SEC61A2: variants seen among roughly 807,000 people sequenced by gnomAD.
SEC61A2 encodes the protein protein transport protein Sec61 subunit alpha isoform 2.
A neutral mutation model predicts 59.9 loss-of-function variants in SEC61A2; 28 were observed. The observed-to-expected ratio is 0.47, with a 90% CI of 0.35 to 0.64. The LOEUF is 0.64. Among genes scored for constraint, SEC61A2 ranks in the 30% least tolerant of loss-of-function variants. The probability of loss-of-function intolerance (pLI) is 0.01; values close to 1 mark genes in which losing one functional copy is unlikely to be tolerated. For synonymous variants in SEC61A2, 202 were observed against 214.4 expected (o/e 0.94, Z 0.50); for missense variants, 340 against 585.9 (o/e 0.58, Z 4.33).
chr10:12,160,172 A>C lies in SEC61A2; in HGVS notation c.976-758A>C, dbSNP rs1305161921. On this transcript the variant is annotated intron_variant, in intron 9 of 11. Transcript: ENST00000298428. The surrounding 1 kb of genome is among the most constrained non-coding windows in gnomAD (Gnocchi z 4.1). ...GTGCTTTGAGTAGTTGGTCCTGTACAATTTGTGTTATGATTTTGAGTAAGA... is the reference window on the plus strand; with the variant it reads ...GTGCTTTGAGTAGTTGGTCCTGTACCATTTGTGTTATGATTTTGAGTAAGA... Among the ~76,000 whole-genome samples the C allele has an allele frequency of 6.6e-6, 1 of 152,164 alleles. No individual in the cohort carries two copies. The highest frequency in any genetic ancestry group is 1.5e-5 in the Non-Finnish European group (1 of 68,026).
In SEC61A2 at chr10:12,162,190, G is replaced by A; in HGVS notation, c.1168-23G>A. ...CAGTGAAATGTTCCAGTTGGATTTT[G>A]AAAGTCGTTTTTCTCTCGGCAGGTA... On this transcript the variant is annotated intron_variant, in intron 10 of 11. Transcript: ENST00000298428. This position sits in a 1 kb window ranked among gnomAD's most constrained non-coding sequence, Gnocchi z 6.1. 3 of 1,609,198 alleles carry A rather than the reference G, an allele frequency of 1.9e-6. No homozygotes were observed. Among genetic ancestry groups the A allele is most frequent in the Non-Finnish European group, 2.6e-6 (3 of 1,176,030 alleles).
At chr10:12,140,910 TGTTTTTTGA>T (rs1834003857) in intron 3 of SEC61A2, among the ~76,000 whole-genome samples, 1 of 151,130 alleles carries the variant, frequency 6.6e-6, no homozygotes, top group African/African-American at 2.4e-5. Flanking sequence ...GTTTTTGTTT[TGTTTTTTGA>T]GATGGAGTCT....
intron 1 of SEC61A2, among the ~76,000 whole-genome samples, chr10:12,131,117 GA>G (rs1833724225): frequency 6.6e-6 from 1 of 152,234 alleles, no homozygotes; most frequent in Non-Finnish European, 1.5e-5. Flanking sequence ...AGGTTGCAGT[GA>G]ATGGAGATCA....
chr10:12,165,109 C>T lies in SEC61A2; in HGVS notation c.*655C>T. 1 of 986,066 alleles carries T rather than the reference C, an allele frequency of 1.0e-6. No individual in the cohort carries two copies. Among genetic ancestry groups the T allele is most frequent in the Non-Finnish European group, 1.2e-6 (1 of 830,158 alleles). The allele number at this position is 986,066 out of a possible 1,614,324, so 61.1% of individuals were successfully genotyped here. On this transcript the variant is annotated 3_prime_UTR_variant, in exon 12 of 12. Transcript: ENST00000298428. ...CCTCCTCCTCTCTTCCCAGTGACAG[C>T]ATCATCGTGCTGTTTGCCTGTATTG...
intron 3 of SEC61A2, among the ~76,000 whole-genome samples, chr10:12,140,353 G>C (rs942905377): frequency 1.1e-4 from 17 of 152,132 alleles, no homozygotes; most frequent in African/African-American, 3.4e-4. Flanking sequence ...GCAAAGTTTG[G>C]AACTCTGCAA....
At chr10:12,136,339 C>T (rs1298816325) in intron 3 of SEC61A2, among the ~76,000 whole-genome samples, 169 bp downstream of exon 3, 1 of 152,126 alleles carries the variant, frequency 6.6e-6, no homozygotes, top group East Asian at 1.9e-4. Flanking sequence ...GATGGAGTCT[C>T]ACTCTGTTGC....
At chr10:12,166,611 A>G (rs2131690557), downstream of SEC61A2, 1 of 389,480 alleles carries the variant, frequency 2.6e-6, no homozygotes, top group Non-Finnish European at 5.3e-6. Flanking sequence ...GCCCTTTCAT[A>G]TGGTTCTCAG....
rs925620257 is a variant in SEC61A2 at position 12,154,558 on chromosome 10, T to A, written c.463-1220T>A. On this transcript the variant is annotated intron_variant, in intron 6 of 11. Coordinates refer to ENST00000298428, the MANE Select transcript of SEC61A2 (RefSeq NM_018144.4). This position sits in a 1 kb window ranked among gnomAD's most constrained non-coding sequence, Gnocchi z 5.2. The stretch of plus-strand genomic sequence containing the variant: ...AGAATCGGTAGTAAGTCCTAACCTC[T>A]ACATTATTTTGTCAAAATGTCGAAC... 2.0e-5 allele frequency among the ~76,000 whole-genome samples: 3 copies of A among 152,224 alleles called. No homozygotes were observed. Among genetic ancestry groups the A allele is most frequent in the Non-Finnish European group, 4.4e-5 (3 of 68,044 alleles).
At chr10:12,144,011 T>C (rs1834083744) in intron 4 of SEC61A2, among the ~76,000 whole-genome samples, 1 of 152,126 alleles carries the variant, frequency 6.6e-6, no homozygotes, top group South Asian at 2.1e-4. Context: ...TTTGTAGTTT[T>C]GTAGAGGTGA....
In SEC61A2 at chr10:12,153,835, C is replaced by T; in HGVS notation, c.463-1943C>T. On this transcript the variant is annotated intron_variant, in intron 6 of 11. Transcript: ENST00000298428. The surrounding 1 kb of genome is among the most constrained non-coding windows in gnomAD (Gnocchi z 5.2). ...ATAGGTTTTGAAAACTGTTTGCATG[C>T]CGTTGTGGAAGGTATTTCTCACCTT... is the stretch of plus-strand genomic sequence containing the variant. The T allele has an allele frequency of 3.2e-6, 5 of 1,580,260 alleles. No homozygotes were observed. Among genetic ancestry groups the T allele is most frequent in the East Asian group, 2.3e-5 (1 of 43,898 alleles).
At chr10:12,132,085 G>A (rs1444776927) in intron 1 of SEC61A2, among the ~76,000 whole-genome samples, 2 of 145,054 alleles carry the variant, frequency 1.4e-5, no homozygotes, top group Admixed American at 6.9e-5. Flanking sequence ...GGCGGATCAC[G>A]AGGTCAGGAG....
downstream of SEC61A2, chr10:12,169,321 C>T: frequency 6.4e-7 from 1 of 1,553,256 alleles, no homozygotes; most frequent in South Asian, 1.2e-5. The surrounding 1 kb of genome is among the most constrained non-coding windows in gnomAD (Gnocchi z 4.8). Flanking sequence ...GGATACTCTT[C>T]TACTAAAAGA....
intron 3 of SEC61A2, among the ~76,000 whole-genome samples, chr10:12,138,808 C>T (rs55895004): frequency 0.013 from 1,957 of 152,352 alleles, 29 homozygotes; most frequent in Non-Finnish European, 0.018. Flanking sequence ...TACAACACAT[C>T]AATTTGCTAT....
At chr10:12,167,766 G>C, downstream of SEC61A2, 1 of 1,614,166 alleles carries the variant, frequency 6.2e-7, no homozygotes, top group South Asian at 1.1e-5. Context: ...TAGAGCGTAG[G>C]AATAGACCCT....
In SEC61A2 at chr10:12,143,201, C is replaced by T. The variant is rs369154131; in HGVS notation, c.220+6C>T. On this transcript the variant is annotated splice_donor_region_variant and intron_variant, in intron 4 of 11. Coordinates refer to ENST00000298428, the MANE Select transcript of SEC61A2 (RefSeq NM_018144.4). This position sits in a 1 kb window ranked among gnomAD's most constrained non-coding sequence, Gnocchi z 4.8. ...TATTCTGGCTTCCAATAGAGGTATG[C>T]GTGTCTTTTCTGTCTCCACACTCCT... 161 of 1,596,076 alleles carry T rather than the reference C, an allele frequency of 1.0e-4. No individual in the cohort carries two copies. Among genetic ancestry groups the T allele is most frequent in the Non-Finnish European group, 1.3e-4 (148 of 1,163,700 alleles).
Position 12,158,040 on chromosome 10 carries a change from A to G in SEC61A2, c.910A>G (p.Ile304Val), listed in dbSNP as rs746595264. 1 of 1,614,124 alleles carries G rather than the reference A, an allele frequency of 6.2e-7. No individual in the cohort carries two copies. The highest frequency in any genetic ancestry group is 1.7e-5 in the Admixed American group (1 of 60,012). ...GGCCCTGGTGTCCAACCTGTATGTT[A>G]TTTCCCAGATGCTGTCTGTTCGATT... The part of the protein sequence containing the change: ...QSALVSNLYV[I>V]SQMLSVRFSG... The change falls in exon 9 of 12, where the codon ATT (isoleucine) becomes GTT (valine). Residue 304 changes from isoleucine (I) to valine (V), a missense_variant. Ile to Val is a conservative substitution (Grantham distance 29). This residue lies in a region of SEC61A2 where 283 missense variants were observed against 483.2 expected (regional missense o/e 0.59). Coordinates refer to ENST00000298428, the MANE Select transcript of SEC61A2 (RefSeq NM_018144.4). This position sits in a 1 kb window ranked among gnomAD's most constrained non-coding sequence, Gnocchi z 5.7.
chr10:12,143,661 A>T lies in SEC61A2; in HGVS notation c.220+466A>T, dbSNP rs758882016. Among the ~76,000 whole-genome samples, 6 of 152,168 alleles carry T rather than the reference A, an allele frequency of 3.9e-5. No homozygotes were observed. The highest frequency in any genetic ancestry group is 8.8e-5 in the Non-Finnish European group (6 of 68,036). On this transcript the variant is annotated intron_variant, in intron 4 of 11. Transcript: ENST00000298428. The surrounding 1 kb of genome is among the most constrained non-coding windows in gnomAD (Gnocchi z 4.8). Reference sequence around the variant, plus strand: ...GGTAAGAGAATCGCTTGAACCTGGGAGATGGAGGTTGCAGTGAACTAAGAT... The same window carrying T: ...GGTAAGAGAATCGCTTGAACCTGGGTGATGGAGGTTGCAGTGAACTAAGAT...
Position 12,152,379 on chromosome 10 carries a change from C to T in SEC61A2, c.462+2418C>T, listed in dbSNP as rs1834296208. On this transcript the variant is annotated intron_variant, in intron 6 of 11. Transcript: ENST00000298428. The surrounding 1 kb of genome is among the most constrained non-coding windows in gnomAD (Gnocchi z 5.5). ...ACAGGCGTGAGCCACCACGCCCCGC[C>T]CAGGGCAGGAATTTTTAATGAAAAT... Among the ~76,000 whole-genome samples the T allele has an allele frequency of 6.6e-6, 1 of 152,188 alleles. No individual in the cohort carries two copies. The highest frequency in any genetic ancestry group is 2.1e-4 in the South Asian group (1 of 4,832).
intron 2 of SEC61A2, among the ~76,000 whole-genome samples, chr10:12,133,629 T>G: frequency 6.6e-6 from 1 of 152,218 alleles, no homozygotes; most frequent in East Asian, 1.9e-4. Flanking sequence ...GTATTGGGTG[T>G]GTATTGTGTT....
Sources: gnomAD v4.1 joint callset for allele counts (sites outside exome capture counted in the v4.1 genomes callset) on GRCh38, gnomAD v4.1.1 for gene constraint, gnomAD v4.1.1 regional missense constraint, Gnocchi (gnomAD v3.1) non-coding constraint, MANE v1.5 for transcripts, NCBI Gene and HGNC (gene_info 2026-07-23, HGNC 2026-07-21) for gene names.